The following WWOX variants were observed in gnomAD, a reference collection of about 807,000 sequenced individuals.
WWOX encodes the protein WW domain containing oxidoreductase.
Under a neutral mutation model 46.2 loss-of-function variants are expected in WWOX, and 69 were observed. The observed-to-expected ratio is 1.49, with a 90% confidence interval of 1.23 to 1.82. WWOX has a LOEUF of 1.82. Among genes scored for constraint, WWOX ranks in the 40% most tolerant of loss-of-function variants. The pLI is 0.00. For missense variants in WWOX, 919 were observed against 542.6 expected (o/e 1.69, Z -6.89); for synonymous variants, 359 against 202.6 (o/e 1.77, Z -6.56).
chr16:78,875,209 C>G (rs1043020611), intron 8 of WWOX, among the ~76,000 whole-genome samples: 6 of 152,084 alleles, frequency 3.9e-5, no homozygotes, highest in African/African-American at 1.4e-4. Flanking sequence ...TGAGGAAGAG[C>G]CAGCTCAAAT....
rs528730557 is a variant in WWOX at position 78,426,587 on chromosome 16, T to C, written c.791+1532T>C. Among the ~76,000 whole-genome samples, 3 of 152,308 alleles carry C rather than the reference T, an allele frequency of 2.0e-5. No individual in the cohort carries two copies. In the South Asian group the frequency reaches 6.2e-4, roughly 32 times the overall value. ...TATAGGGAGGCCTTCCTGAAATGTG[T>C]TGTCAGGCTTGCTCCTGTGTGATGG... On this transcript the variant is annotated intron_variant, in intron 7 of 8. Coordinates refer to ENST00000566780, the MANE Select transcript of WWOX (RefSeq NM_016373.4).
At chr16:78,631,073 T>C (rs925598747) in intron 8 of WWOX, among the ~76,000 whole-genome samples, 1 of 152,202 alleles carries the variant, frequency 6.6e-6, no homozygotes, top group African/African-American at 2.4e-5. Context: ...CTAGAGATGA[T>C]TTAAAGTGTA....
intron 8 of WWOX, among the ~76,000 whole-genome samples, chr16:78,856,676 A>G (rs2052574057): frequency 6.6e-6 from 1 of 152,202 alleles, no homozygotes; most frequent in Non-Finnish European, 1.5e-5. Context: ...GATCTCTTTC[A>G]GTACAATGGG....
rs529262381 is a variant in WWOX at position 78,244,607 on chromosome 16, A to G, written c.516+80318A>G. On this transcript the variant is annotated intron_variant, in intron 5 of 8. Coordinates refer to ENST00000566780, the MANE Select transcript of WWOX (RefSeq NM_016373.4). ...GTCCTTTTGAGTAACTATCTCTGGA[A>G]AGGATTAAGTGCAGTGATCAATCAG... Among the ~76,000 whole-genome samples the G allele has an allele frequency of 6.6e-5, 10 of 152,288 alleles. No individual in the cohort carries two copies. The East Asian group carries it at 1.9e-3, about 29-fold the overall frequency.
At chr16:78,509,941 A>G (rs1002421065) in intron 8 of WWOX, among the ~76,000 whole-genome samples, 4 of 146,738 alleles carry the variant, frequency 2.7e-5, no homozygotes, top group East Asian at 2.0e-4. Flanking sequence ...AAAAAAAAAA[A>G]GAAAGAAAAA....
At chr16:78,771,572 G>C (rs1185806548) in intron 8 of WWOX, among the ~76,000 whole-genome samples, 2 of 152,106 alleles carry the variant, frequency 1.3e-5, no homozygotes, top group South Asian at 4.2e-4. Context: ...AGGAGTTCGA[G>C]ACCAGCCTGG....
chr16:78,318,729 A>T (rs952093431), intron 5 of WWOX, among the ~76,000 whole-genome samples: 2 of 152,192 alleles, frequency 1.3e-5, no homozygotes, highest in Non-Finnish European at 2.9e-5. Flanking sequence ...TGGCTATTTT[A>T]AAAATTATTT....
intron 8 of WWOX, among the ~76,000 whole-genome samples, chr16:78,700,156 G>A (rs1425123335): frequency 6.6e-6 from 1 of 151,930 alleles, no homozygotes; most frequent in Non-Finnish European, 1.5e-5. Flanking sequence ...TGCTATAACA[G>A]AATACCGTTG....
At chr16:78,426,691 G>T (rs372630136) in intron 7 of WWOX, among the ~76,000 whole-genome samples, 58 of 152,210 alleles carry the variant, frequency 3.8e-4, no homozygotes, top group African/African-American at 1.4e-3. Context: ...TTGACATGGA[G>T]TCTTGATCTG....
intron 8 of WWOX, among the ~76,000 whole-genome samples, chr16:78,464,807 G>C (rs1454425365): frequency 6.6e-6 from 1 of 152,158 alleles, no homozygotes; most frequent in Non-Finnish European, 1.5e-5. Flanking sequence ...GGGGGGAAAT[G>C]TTAGACCCTC....
chr16:79,149,010 A>G (rs12050933), intron 8 of WWOX, among the ~76,000 whole-genome samples: 38,785 of 151,772 alleles, frequency 0.26, 5,243 homozygotes, highest in East Asian at 0.44. Flanking sequence ...TTCTTCCTTT[A>G]TAATATGTGT....
chr16:79,048,646 C>T (rs1040780251), intron 8 of WWOX, among the ~76,000 whole-genome samples: 1 of 152,154 alleles, frequency 6.6e-6, no homozygotes, highest in Non-Finnish European at 1.5e-5. Context: ...TAATTATACT[C>T]TAAAGCATCA....
At chr16:78,113,047 T>A (rs8063699) in intron 3 of WWOX, among the ~76,000 whole-genome samples, 5,166 of 152,324 alleles carry the variant, frequency 0.034, 115 homozygotes, top group African/African-American at 0.049. Flanking sequence ...AATTTTCTCC[T>A]GTGCAGTCTT....
chr16:78,215,729 A>G (rs2036697205), intron 5 of WWOX, among the ~76,000 whole-genome samples: 1 of 152,038 alleles, frequency 6.6e-6, no homozygotes, highest in South Asian at 2.1e-4. Flanking sequence ...AGAGTTTGAG[A>G]CCATCCTGGC....
chr16:79,020,328 A>G (rs886541839), intron 8 of WWOX, among the ~76,000 whole-genome samples: 2 of 152,208 alleles, frequency 1.3e-5, no homozygotes, highest in African/African-American at 4.8e-5. Context: ...TTTTGTGATC[A>G]AAACTATGGA....
intron 8 of WWOX, among the ~76,000 whole-genome samples, chr16:78,799,659 C>G (rs1448886472): frequency 6.6e-6 from 1 of 152,132 alleles, no homozygotes; most frequent in Non-Finnish European, 1.5e-5. Flanking sequence ...TTCTGTGGCA[C>G]TTTGCATACT....
At chr16:78,502,024 T>G (rs2085083001) in intron 8 of WWOX, among the ~76,000 whole-genome samples, 1 of 152,154 alleles carries the variant, frequency 6.6e-6, no homozygotes, top group African/African-American at 2.4e-5. Context: ...AAGTAAGAAT[T>G]GTATCGTAGC....
chr16:78,463,699 T>C (rs113136989), intron 8 of WWOX, among the ~76,000 whole-genome samples: 2,687 of 152,292 alleles, frequency 0.018, 93 homozygotes, highest in African/African-American at 0.062. Flanking sequence ...TACTCTGTCA[T>C]CTGGCTCTCA....
At chr16:78,601,596 C>T (rs552293519) in intron 8 of WWOX, among the ~76,000 whole-genome samples, 12 of 152,200 alleles carry the variant, frequency 7.9e-5, no homozygotes, top group African/African-American at 2.2e-4. Flanking sequence ...TAGCTTTACC[C>T]GTGGTGTAAA....
Sources: gnomAD v4.1 joint callset for allele counts (sites outside exome capture counted in the v4.1 genomes callset) on GRCh38, gnomAD v4.1.1 for gene constraint, MANE v1.5 for transcripts, NCBI Gene and HGNC (gene_info 2026-07-23, HGNC 2026-07-21) for gene names.